TES: variants seen among roughly 807,000 people sequenced by gnomAD.
The protein encoded by TES is testin LIM domain protein.
A neutral mutation model predicts 48.2 loss-of-function variants in TES; 41 were observed. That is an observed-to-expected ratio of 0.85 (90% CI 0.66 to 1.10). The LOEUF (loss-of-function observed/expected upper bound fraction) is 1.10. Among genes scored for constraint, TES ranks in the 50% least tolerant of loss-of-function variants. The pLI is 0.00. For synonymous variants in TES, 162 were observed against 174.9 expected, an observed-to-expected ratio of 0.93 and a Z score of 0.58; for missense variants, 463 against 515.1, an observed-to-expected ratio of 0.90 and a Z score of 0.98.
chr7:116,246,937 G>T (rs949657021), intron 2 of TES, among the ~76,000 whole-genome samples: 1 of 136,208 alleles, frequency 7.3e-6, no homozygotes, highest in Admixed American at 7.7e-5. Flanking sequence ...AGAAATCAGA[G>T]ACTAGGCCCC....
intron 1 of TES, 94 bp downstream of exon 1, chr7:116,210,828 G>A: frequency 8.9e-7 from 1 of 1,127,624 alleles, no homozygotes; most frequent in Non-Finnish European, 1.1e-6. Flanking sequence ...TGGGGCTCGC[G>A]GGCCCCCCGG....
chr7:116,210,737 AG>A lies in TES; in HGVS notation c.27+9del. ...ACCTGGAAAACAAAGTGAAGAAGGTAGGGGGGCGCTCGTGGCGGGCGGCGGC... is the reference window on the plus strand; with the variant it reads ...ACCTGGAAAACAAAGTGAAGAAGGTAGGGGGCGCTCGTGGCGGGCGGCGGC... On this transcript the variant is annotated splice_donor_region_variant and intron_variant, in intron 1 of 6. Transcript: ENST00000358204. The A allele has an allele frequency of 8.0e-7, 1 of 1,244,338 alleles. No homozygotes were observed. The highest frequency in any genetic ancestry group is 1.0e-6 in the Non-Finnish European group (1 of 984,304). The allele number at this position is 1,244,338 out of a possible 1,614,324, so 77.1% of individuals were successfully genotyped here.
At chr7:116,224,269 A>G (rs372115863) in intron 1 of TES, among the ~76,000 whole-genome samples, 10 of 152,282 alleles carry the variant, frequency 6.6e-5, no homozygotes, top group African/African-American at 2.4e-4. Flanking sequence ...GACACACACA[A>G]ACTATGACAT....
At position 116,250,310 on chromosome 7, in the gene TES, G is replaced by T. The variant is rs1228746827; in HGVS notation, c.516G>T (p.Val172=). 2 of 1,613,860 alleles carry T rather than the reference G, an allele frequency of 1.2e-6. No individual in the cohort carries two copies. The highest frequency in any genetic ancestry group is 1.7e-6 in the Non-Finnish European group (2 of 1,179,856). The stretch of plus-strand genomic sequence containing the variant: ...GCCATGAGTTGTCTCCCAGAGAGGT[G>T]AAGGAGATGGAGCAGTTTGTGAAGA... ...SKCHELSPRE[V]KEMEQFVKKY... The change falls in exon 4 of 7, where the codon GTG becomes GTT. Residue 172 remains valine (V), a synonymous_variant. Coordinates refer to ENST00000358204, the MANE Select transcript of TES (RefSeq NM_015641.4).
chr7:116,240,434 G>A (rs75880220), intron 2 of TES, among the ~76,000 whole-genome samples: 5 of 151,552 alleles, frequency 3.3e-5, no homozygotes, highest in Admixed American at 1.3e-4. Flanking sequence ...TCTTGCATTC[G>A]CTCTCCCAGG....
chr7:116,234,858 AT>A (rs2116597357), intron 2 of TES, among the ~76,000 whole-genome samples: 1 of 152,272 alleles, frequency 6.6e-6, no homozygotes, highest in African/African-American at 2.4e-5. Flanking sequence ...TGTCTTTAAG[AT>A]TTCCTTCGAG....
chr7:116,240,930 C>A (rs112331111), intron 2 of TES, among the ~76,000 whole-genome samples: 7 of 152,112 alleles, frequency 4.6e-5, no homozygotes, highest in Non-Finnish European at 2.9e-5. Flanking sequence ...ATCCACACAC[C>A]GTGCAAACAG....
intron 6 of TES, among the ~76,000 whole-genome samples, chr7:116,253,413 CT>C (rs1207909057): frequency 1.3e-5 from 2 of 152,112 alleles, no homozygotes; most frequent in Non-Finnish European, 2.9e-5. Flanking sequence ...AACCATTCTA[CT>C]TTAGACCTTT....
At chr7:116,238,881 A>T (rs1273065887) in intron 2 of TES, 2 of 152,782 alleles carry the variant, frequency 1.3e-5, no homozygotes, top group Non-Finnish European at 2.9e-5. Context: ...GATTACAGAC[A>T]TGAGCCACTG....
chr7:116,251,091 G>A lies in TES; in HGVS notation c.702+595G>A, dbSNP rs529512626. 2.2e-4 allele frequency among the ~76,000 whole-genome samples: 34 copies of A among 152,118 alleles called. 2 individuals carry two copies. In the South Asian group the frequency reaches 3.5e-3, roughly 16 times the overall value. The stretch of plus-strand genomic sequence containing the variant: ...CTCCAGTTAGCACACCAACCAATAA[G>A]GCTTAGTCCTGAAAAAAGAGCACTA... On this transcript the variant is annotated intron_variant, in intron 4 of 6. Coordinates refer to ENST00000358204, the MANE Select transcript of TES (RefSeq NM_015641.4).
chr7:116,223,251 A>G (rs1799578863), intron 1 of TES, among the ~76,000 whole-genome samples: 1 of 152,180 alleles, frequency 6.6e-6, no homozygotes, highest in East Asian at 1.9e-4. Context: ...TCAAATAGAT[A>G]AGTAGTACTG....
At chr7:116,229,222 A>G (rs1799666384) in intron 1 of TES, among the ~76,000 whole-genome samples, 1 of 151,814 alleles carries the variant, frequency 6.6e-6, no homozygotes, top group African/African-American at 2.4e-5. Flanking sequence ...GGGCATCATT[A>G]AATAACACCT....
chr7:116,246,284 T>C (rs1799922359), intron 2 of TES, among the ~76,000 whole-genome samples: 1 of 152,230 alleles, frequency 6.6e-6, no homozygotes, highest in Non-Finnish European at 1.5e-5. Flanking sequence ...TGTGAAGTAG[T>C]GGCAGCATCC....
intron 1 of TES, among the ~76,000 whole-genome samples, chr7:116,220,903 A>G (rs1799547917): frequency 6.6e-6 from 1 of 152,328 alleles, no homozygotes; most frequent in East Asian, 1.9e-4. Flanking sequence ...GTGCCTACAC[A>G]TAGACAATAA....
intron 1 of TES, among the ~76,000 whole-genome samples, chr7:116,223,895 A>G (rs1297107218): frequency 6.6e-6 from 1 of 152,256 alleles, no homozygotes; most frequent in Admixed American, 6.5e-5. Context: ...TATAGTAGGC[A>G]GCATCTAAGA....
intron 1 of TES, among the ~76,000 whole-genome samples, chr7:116,214,663 A>G (rs1486999130): frequency 6.6e-6 from 1 of 152,142 alleles, no homozygotes; most frequent in Non-Finnish European, 1.5e-5. Flanking sequence ...TGGAGAAAAA[A>G]ACTATAGTAG....
At chr7:116,238,722 C>T (rs1018633118) in intron 2 of TES, among the ~76,000 whole-genome samples, 3 of 152,020 alleles carry the variant, frequency 2.0e-5, no homozygotes, top group Non-Finnish European at 2.9e-5. Context: ...CTGCCTGCCT[C>T]CCGAGTATCT....
chr7:116,216,212 T>C (rs938816532), intron 1 of TES, among the ~76,000 whole-genome samples: 3 of 152,170 alleles, frequency 2.0e-5, no homozygotes, highest in Admixed American at 6.5e-5. Flanking sequence ...GTTGGCCCCA[T>C]GCTAATGTGT....
chr7:116,245,671 T>C (rs140349841), intron 2 of TES, among the ~76,000 whole-genome samples: 2 of 152,306 alleles, frequency 1.3e-5, no homozygotes, highest in African/African-American at 2.4e-5. Flanking sequence ...CATTTTCAGG[T>C]ATCCTTATGG....
Sources: gnomAD v4.1 joint callset for allele counts (sites outside exome capture counted in the v4.1 genomes callset) on GRCh38, gnomAD v4.1.1 for gene constraint, MANE v1.5 for transcripts, NCBI Gene and HGNC (gene_info 2026-07-23, HGNC 2026-07-21) for gene names.